Variants in AGMO observed in about 807,000 individuals in gnomAD.
The protein encoded by AGMO is alkylglycerol monooxygenase, also known as glyceryl-ether monooxygenase.
Under a neutral mutation model 60.2 loss-of-function variants are expected in AGMO, and 75 were observed. The observed-to-expected ratio is 1.25, with a 90% CI of 1.03 to 1.51. The LOEUF is 1.51. Among genes scored for constraint, AGMO ranks in the 40% most tolerant of loss-of-function variants. The pLI is 0.00. For missense variants in AGMO, 763 were observed against 525.5 expected (o/e 1.45, Z -4.42); for synonymous variants, 261 against 177.1 (o/e 1.47, Z -3.76).
chr7:15,561,869 C>G lies in AGMO; in HGVS notation c.-24G>C. The G allele has an allele frequency of 6.3e-7, 1 of 1,582,884 alleles. No individual in the cohort carries two copies. The highest frequency in any genetic ancestry group is 1.4e-5 in the African/African-American group (1 of 73,450). On this transcript the variant is annotated 5_prime_UTR_variant, in exon 1 of 13. Coordinates refer to ENST00000342526, the MANE Select transcript of AGMO (RefSeq NM_001004320.2). ...ATTTCTGCCCTTGTCTGATTCCCAG[C>G]TGGAGAATATTTAGGATTCAATGCT... is the stretch of plus-strand genomic sequence containing the variant.
At chr7:15,224,752 C>A (rs968418298) in intron 12 of AGMO, among the ~76,000 whole-genome samples, 1 of 151,972 alleles carries the variant, frequency 6.6e-6, no homozygotes, top group African/African-American at 2.4e-5. Context: ...TTAAATAGAG[C>A]TGTCCCAAGG....
chr7:15,516,469 G>A (rs921116362), intron 3 of AGMO, among the ~76,000 whole-genome samples: 1 of 151,962 alleles, frequency 6.6e-6, no homozygotes, highest in Non-Finnish European at 1.5e-5. Flanking sequence ...ACATATATAA[G>A]GTTTTTTAGT....
chr7:15,203,700 C>G (rs1781367829), intron 12 of AGMO, among the ~76,000 whole-genome samples: 1 of 152,018 alleles, frequency 6.6e-6, no homozygotes, highest in Non-Finnish European at 1.5e-5. Flanking sequence ...CTTTGGTGTA[C>G]TGGTATCCAA....
intron 12 of AGMO, among the ~76,000 whole-genome samples, chr7:15,313,689 AC>A (rs1189422289): frequency 2.6e-5 from 4 of 152,070 alleles, no homozygotes; most frequent in African/African-American, 7.2e-5. Context: ...TCATTCCAAG[AC>A]CTCCAGTGGA....
the AGMO span, among the ~76,000 whole-genome samples, chr7:15,168,237 G>A: frequency 3.3e-5 from 5 of 152,212 alleles, no homozygotes; most frequent in Non-Finnish European, 5.9e-5. Context: ...ACCTACTGAA[G>A]GGAGAGGAGA....
At chr7:15,167,148 A>T in the AGMO span, among the ~76,000 whole-genome samples, 1 of 152,210 alleles carries the variant, frequency 6.6e-6, no homozygotes, top group African/African-American at 2.4e-5. Context: ...GTTTTATAGA[A>T]ATTAAAACAA....
intron 3 of AGMO, among the ~76,000 whole-genome samples, chr7:15,486,708 G>T (rs542742501): frequency 6.6e-6 from 1 of 151,926 alleles, no homozygotes; most frequent in African/African-American, 2.4e-5. Context: ...AACAATGTTC[G>T]CTTTAGATTT....
chr7:15,375,843 G>A (rs1276183635), intron 10 of AGMO, among the ~76,000 whole-genome samples: 2 of 152,070 alleles, frequency 1.3e-5, no homozygotes, highest in South Asian at 2.1e-4. Flanking sequence ...TTATGAGGAG[G>A]TTATCATTGT....
intron 12 of AGMO, among the ~76,000 whole-genome samples, chr7:15,226,945 A>G (rs1454522744): frequency 6.6e-6 from 1 of 152,072 alleles, no homozygotes; most frequent in East Asian, 1.9e-4. Context: ...ACCACCTATA[A>G]GAGAAAAGAA....
At position 15,331,755 on chromosome 7, in the gene AGMO, C is replaced by T. The variant is rs1186576130; in HGVS notation, c.1263+33759G>A. Among the ~76,000 whole-genome samples, 4 of 151,982 alleles carry T rather than the reference C, an allele frequency of 2.6e-5. No individual in the cohort carries two copies. The East Asian group carries it at 7.7e-4, about 29-fold the overall frequency. On this transcript the variant is annotated intron_variant, in intron 12 of 12. Transcript: ENST00000342526. The stretch of plus-strand genomic sequence containing the variant: ...CAACCTGACCAATGTGGAGAAACCC[C>T]ATCTCTACTAAAAATATAAAATTAG...
Position 15,538,590 on chromosome 7 carries a change from A to G in AGMO, c.409+6182T>C, listed in dbSNP as rs114410833. On this transcript the variant is annotated intron_variant, in intron 3 of 12. Coordinates refer to ENST00000342526, the MANE Select transcript of AGMO (RefSeq NM_001004320.2). ...ATGTCATAATGTATAGCAAAGAGTT[A>G]CAAAAATCTTAGGTATATTCTGGTA... Among the ~76,000 whole-genome samples the G allele has an allele frequency of 7.8e-3, 1,189 of 152,286 alleles. 19 individuals are homozygous for G. The highest frequency in any genetic ancestry group is 0.027 in the African/African-American group (1,130 of 41,548).
chr7:15,545,610 C>T (rs984038847), intron 2 of AGMO, among the ~76,000 whole-genome samples: 1 of 152,016 alleles, frequency 6.6e-6, no homozygotes, highest in Admixed American at 6.6e-5. Flanking sequence ...ATATTTCCTT[C>T]GAAGTAAGGT....
chr7:15,130,547 T>C, the AGMO span, among the ~76,000 whole-genome samples: 1 of 152,096 alleles, frequency 6.6e-6, no homozygotes, highest in African/African-American at 2.4e-5. Flanking sequence ...CTCTAATTGC[T>C]ATAAAATGTG....
chr7:15,376,842 CACTAA>C (rs559519310), intron 10 of AGMO, among the ~76,000 whole-genome samples: 11 of 152,168 alleles, frequency 7.2e-5, no homozygotes, highest in African/African-American at 2.2e-4. Context: ...TGGGTCATAT[CACTAA>C]ACTAAACACT....
At chr7:15,207,495 A>C (rs1420356304) in intron 12 of AGMO, among the ~76,000 whole-genome samples, 1 of 152,154 alleles carries the variant, frequency 6.6e-6, no homozygotes, top group Non-Finnish European at 1.5e-5. Flanking sequence ...ACACACTTCT[A>C]TTTACATTGT....
intron 3 of AGMO, among the ~76,000 whole-genome samples, chr7:15,495,664 G>A (rs529189510): frequency 6.6e-6 from 1 of 152,230 alleles, no homozygotes; most frequent in East Asian, 1.9e-4. Flanking sequence ...TTAAACAAGT[G>A]ACATTTATTT....
chr7:15,414,033 A>G (rs1209342853), intron 5 of AGMO, among the ~76,000 whole-genome samples: 1 of 152,088 alleles, frequency 6.6e-6, no homozygotes, highest in Non-Finnish European at 1.5e-5. Context: ...TTTTAGACAG[A>G]GTCTCACTCT....
At chr7:15,363,570 C>T (rs1030291396) in intron 12 of AGMO, among the ~76,000 whole-genome samples, 2 of 152,116 alleles carry the variant, frequency 1.3e-5, no homozygotes, top group Non-Finnish European at 2.9e-5. Context: ...TCAGGCAATA[C>T]GGCTTCAAAG....
intron 3 of AGMO, among the ~76,000 whole-genome samples, chr7:15,435,215 A>C (rs1781366472): frequency 6.6e-6 from 1 of 151,922 alleles, no homozygotes; most frequent in Non-Finnish European, 1.5e-5. Flanking sequence ...TTTTTATTTC[A>C]CGTGGGTAAA....
Sources: gnomAD v4.1 joint callset for allele counts (sites outside exome capture counted in the v4.1 genomes callset) on GRCh38, gnomAD v4.1.1 for gene constraint, MANE v1.5 for transcripts, NCBI Gene and HGNC (gene_info 2026-07-23, HGNC 2026-07-21) for gene names.